Variants in PLPPR5 observed in about 807,000 individuals in gnomAD.
PLPPR5 encodes the protein phospholipid phosphatase related 5, also known as phospholipid phosphatase-related protein type 5.
PLPPR5 carries 16 observed loss-of-function variants against 33.9 expected under a neutral mutation model. The observed-to-expected ratio is 0.47, with a 90% CI of 0.32 to 0.72. PLPPR5 has a LOEUF of 0.72. PLPPR5 is among the 30% of genes least tolerant of loss of function. PLPPR5 has a pLI of 0.03. For missense variants in PLPPR5, 301 were observed against 406.7 expected (o/e 0.74, Z 2.23); for synonymous variants, 163 against 150.3 (o/e 1.08, Z -0.62).
chr1:98,907,636 C>G lies in PLPPR5; in HGVS notation c.933+7150G>C, dbSNP rs565522073. Among the ~76,000 whole-genome samples the G allele has an allele frequency of 7.9e-4, 120 of 152,146 alleles. 1 individual carries two copies. The highest frequency in any genetic ancestry group is 2.6e-3 in the African/African-American group (108 of 41,490). ...GACAGATTTAGCTCAGTTGATTTTC[C>G]TAAAATGAATGGGAAAAGATTCATC... On this transcript the variant is annotated intron_variant, in intron 5 of 5. Transcript: ENST00000263177.
chr1:98,960,827 C>G (rs1430228473), intron 1 of PLPPR5, among the ~76,000 whole-genome samples: 1 of 152,144 alleles, frequency 6.6e-6, no homozygotes, highest in Non-Finnish European at 1.5e-5. Flanking sequence ...ACAGATGGCC[C>G]CGGCTGCTGC....
intron 1 of PLPPR5, among the ~76,000 whole-genome samples, chr1:98,992,111 G>A (rs890741507): frequency 6.6e-6 from 1 of 152,168 alleles, no homozygotes; most frequent in Non-Finnish European, 1.5e-5. Flanking sequence ...AAAGAGTTAT[G>A]AAAGAGATAG....
intron 3 of PLPPR5, among the ~76,000 whole-genome samples, chr1:98,948,684 G>T (rs1025060755): frequency 7.9e-5 from 12 of 152,140 alleles, no homozygotes; most frequent in African/African-American, 2.9e-4. Context: ...ATGCCATCAG[G>T]GAAGATGACC....
At position 98,930,618 on chromosome 1, in the gene PLPPR5, A is replaced by G. The variant is rs1202375584; in HGVS notation, c.622-8560T>C. ...CAACAAAATACTTTATCAGCTCCAC[A>G]CTAATTTCAATACATATAACTAATA... On this transcript the variant is annotated intron_variant, in intron 3 of 5. Transcript: ENST00000263177. Among the ~76,000 whole-genome samples, 3 of 152,182 alleles carry G rather than the reference A, an allele frequency of 2.0e-5. 1 individual carries two copies. The highest frequency in any genetic ancestry group is 4.4e-5 in the Non-Finnish European group (3 of 68,028).
intron 4 of PLPPR5, among the ~76,000 whole-genome samples, chr1:98,915,410 C>T (rs1043232824): frequency 6.6e-5 from 10 of 152,086 alleles, no homozygotes; most frequent in Non-Finnish European, 1.3e-4. Context: ...CCTAGCTTAT[C>T]GTCTATTATT....
intron 3 of PLPPR5, among the ~76,000 whole-genome samples, chr1:98,949,848 C>A (rs2101206640): frequency 6.6e-6 from 1 of 152,220 alleles, no homozygotes; most frequent in African/African-American, 2.4e-5. Context: ...GACAGAGAAA[C>A]AGCAGAGAAC....
intron 1 of PLPPR5, among the ~76,000 whole-genome samples, chr1:98,970,668 AT>A (rs1351417601): frequency 6.6e-6 from 1 of 151,964 alleles, no homozygotes; most frequent in East Asian, 1.9e-4. Context: ...TGAGGTTGAT[AT>A]TATTACCTCA....
intron 3 of PLPPR5, among the ~76,000 whole-genome samples, chr1:98,948,832 G>A (rs924088952): frequency 6.6e-6 from 1 of 152,188 alleles, no homozygotes; most frequent in Non-Finnish European, 1.5e-5. Flanking sequence ...AAAACTGCAA[G>A]TCAACCCTAC....
At chr1:98,957,080 G>T (rs533755951) in intron 1 of PLPPR5, among the ~76,000 whole-genome samples, 1 of 150,530 alleles carries the variant, frequency 6.6e-6, no homozygotes, top group African/African-American at 2.4e-5. Flanking sequence ...GTAAACTATC[G>T]CAAGAACAAA....
rs945551459 is a variant in PLPPR5 at position 98,892,710 on chromosome 1, C to T, written c.*362G>A. 22 of 187,950 alleles carry T rather than the reference C, an allele frequency of 1.2e-4. No individual in the cohort carries two copies. 11.6% of individuals were successfully genotyped at this position (187,950 alleles called of 1,614,324 possible). A position where few individuals can be genotyped will look rare whatever the true frequency, so the allele number is the denominator to read the frequency against. On this transcript the variant is annotated 3_prime_UTR_variant, in exon 6 of 6. Coordinates refer to ENST00000263177, the MANE Select transcript of PLPPR5 (RefSeq NM_001037317.2). The stretch of plus-strand genomic sequence containing the variant: ...TAACTAGCCCAAAATAGAAGGTTTT[C>T]ATACACAAATACGATTTATGTAGAG...
In PLPPR5 at chr1:98,960,572, G is replaced by A. The variant is rs146477931; in HGVS notation, c.238-3831C>T. On this transcript the variant is annotated intron_variant, in intron 1 of 5. Coordinates refer to ENST00000263177, the MANE Select transcript of PLPPR5 (RefSeq NM_001037317.2). ...TTATGATGAATGTATTTATGTAAAT[G>A]CCTTCTGAGTTAAGGGCACAGTGCT... Among the ~76,000 whole-genome samples the A allele has an allele frequency of 3.8e-3, 574 of 152,264 alleles. 2 individuals carry two copies. Among genetic ancestry groups the A allele is most frequent in the South Asian group, 7.1e-3 (34 of 4,816 alleles).
At chr1:98,946,352 G>A (rs1304740901) in intron 3 of PLPPR5, among the ~76,000 whole-genome samples, 2 of 152,234 alleles carry the variant, frequency 1.3e-5, no homozygotes, top group Middle Eastern at 3.4e-3. Context: ...CTTCTGTAAT[G>A]TCATTTCTCA....
intron 3 of PLPPR5, among the ~76,000 whole-genome samples, chr1:98,925,497 A>T (rs565003169): frequency 3.9e-5 from 6 of 152,318 alleles, no homozygotes; most frequent in Admixed American, 1.3e-4. Context: ...TGCTTATACA[A>T]ATATATACAA....
chr1:98,919,644 G>A (rs569508270), intron 4 of PLPPR5, among the ~76,000 whole-genome samples: 1 of 152,230 alleles, frequency 6.6e-6, no homozygotes, highest in African/African-American at 2.4e-5. Context: ...AGGACATGAT[G>A]GATATCCTCC....
chr1:98,991,746 G>A (rs1652457966), intron 1 of PLPPR5, among the ~76,000 whole-genome samples: 1 of 152,178 alleles, frequency 6.6e-6, no homozygotes. Context: ...CATCCCAATA[G>A]TCAGACTTGA....
chr1:98,937,885 T>C (rs1268981359), intron 3 of PLPPR5, among the ~76,000 whole-genome samples: 1 of 152,208 alleles, frequency 6.6e-6, no homozygotes, highest in African/African-American at 2.4e-5. Context: ...GCAGTTATTG[T>C]TGAATATTAA....
chr1:98,994,655 T>A (rs186669818), intron 1 of PLPPR5, among the ~76,000 whole-genome samples: 93 of 152,246 alleles, frequency 6.1e-4, no homozygotes, highest in African/African-American at 2.2e-3. Flanking sequence ...AGTAGTCAGC[T>A]AAAATGCTAT....
intron 5 of PLPPR5, among the ~76,000 whole-genome samples, chr1:98,894,237 T>C (rs1648389194): frequency 1.3e-5 from 2 of 152,188 alleles, no homozygotes; most frequent in Admixed American, 6.6e-5. Flanking sequence ...TTTTAGAAAC[T>C]TTAATTTCCC....
chr1:98,918,344 T>C (rs376393576), intron 4 of PLPPR5, among the ~76,000 whole-genome samples: 1 of 152,304 alleles, frequency 6.6e-6, no homozygotes, highest in South Asian at 2.1e-4. Flanking sequence ...TTAATTGCAT[T>C]AATGTAGTAA....
Sources: gnomAD v4.1 joint callset for allele counts (sites outside exome capture counted in the v4.1 genomes callset) on GRCh38, gnomAD v4.1.1 for gene constraint, MANE v1.5 for transcripts, NCBI Gene and HGNC (gene_info 2026-07-23, HGNC 2026-07-21) for gene names.